Variants in VPS41 observed in about 807,000 individuals in gnomAD.
VPS41 encodes VPS41 subunit of HOPS complex, also known as vacuolar protein sorting-associated protein 41 homolog.
Under a neutral mutation model 130.9 loss-of-function variants are expected in VPS41, and 85 were observed. The ratio of observed to expected loss-of-function variants is 0.65; its 90% CI spans 0.55 to 0.78. The LOEUF (loss-of-function observed/expected upper bound fraction) is 0.78. Among genes scored for constraint, VPS41 ranks in the 30% least tolerant of loss-of-function variants. The probability of loss-of-function intolerance (pLI) is 0.00; values close to 1 mark genes in which losing one functional copy is unlikely to be tolerated. For synonymous variants in VPS41, 335 were observed against 332.9 expected, an observed-to-expected ratio of 1.01 and a Z score of -0.07; for missense variants, 874 against 1,018.7, an observed-to-expected ratio of 0.86 and a Z score of 1.93.
At chr7:38,874,035 C>A (rs1786432431) in intron 2 of VPS41, among the ~76,000 whole-genome samples, 1 of 152,164 alleles carries the variant, frequency 6.6e-6, no homozygotes, top group Admixed American at 6.5e-5. Context: ...CATTTCTTTT[C>A]ACCTAATAAT....
In VPS41 at chr7:38,774,223, G is replaced by T; in HGVS notation, c.904C>A (p.Pro302Thr). 1.2e-6 allele frequency: 2 copies of T among 1,600,516 alleles called. No individual in the cohort carries two copies. Among genetic ancestry groups the T allele is most frequent in the Non-Finnish European group, 1.7e-6 (2 of 1,171,450 alleles). ...EKTEREYCAR[P>T]RLDIIQPLSE... The stretch of plus-strand genomic sequence containing the variant: ...AGTGGCTGGATGATGTCCAGTCTAG[G>T]CCTGGCACAGTATTCTCTTTCCTAG... Residue 302 changes from proline to threonine, a missense_variant, in exon 12 of 29, where the codon CCT becomes ACT. Physicochemically the swap from Pro to Thr is conservative, Grantham distance 38. Coordinates refer to ENST00000310301, the MANE Select transcript of VPS41 (RefSeq NM_014396.4).
chr7:38,858,746 C>T (rs1786038633), intron 4 of VPS41, among the ~76,000 whole-genome samples: 1 of 152,334 alleles, frequency 6.6e-6, no homozygotes, highest in South Asian at 2.1e-4. Context: ...AGCTGCCACT[C>T]ATATAAAGTC....
At chr7:38,761,337 G>A (rs193018955) in intron 17 of VPS41, among the ~76,000 whole-genome samples, 5 of 124,348 alleles carry the variant, frequency 4.0e-5, no homozygotes, top group Admixed American at 2.1e-4. Context: ...GTTCAGTGGC[G>A]CTATCTTGGC....
intron 7 of VPS41, among the ~76,000 whole-genome samples, chr7:38,814,879 T>C (rs1785011099): frequency 6.6e-6 from 1 of 152,024 alleles, no homozygotes; most frequent in Non-Finnish European, 1.5e-5. Context: ...TAAACCAAAG[T>C]GATTTATCAA....
intron 2 of VPS41, among the ~76,000 whole-genome samples, chr7:38,896,259 GTTAA>G (rs934268136): frequency 9.8e-5 from 15 of 152,296 alleles, no homozygotes; most frequent in African/African-American, 2.9e-4. Flanking sequence ...TGGAATCTTA[GTTAA>G]TTAGAGATTT....
Position 38,785,157 on chromosome 7 carries a change from A to G in VPS41, c.784+4644T>C, listed in dbSNP as rs190213329. Among the ~76,000 whole-genome samples the G allele has an allele frequency of 5.9e-5, 9 of 152,322 alleles. No homozygotes were observed. The East Asian group carries it at 1.7e-3, about 29-fold the overall frequency. On this transcript the variant is annotated intron_variant, in intron 10 of 28. Transcript: ENST00000310301. Reference sequence around the variant, plus strand: ...AGTATTTTATAATCAACTGGATGTAATACCCACAGACTTTTCAATAAGTTT... The same window carrying G: ...AGTATTTTATAATCAACTGGATGTAGTACCCACAGACTTTTCAATAAGTTT...
At chr7:38,766,497 C>T (rs1279726391) in intron 15 of VPS41, among the ~76,000 whole-genome samples, 4 of 152,100 alleles carry the variant, frequency 2.6e-5, no homozygotes, top group African/African-American at 9.7e-5. Context: ...AATAGTGTCT[C>T]CCTCCTGAGG....
chr7:38,797,780 C>T (rs750528644), intron 7 of VPS41, among the ~76,000 whole-genome samples: 3 of 152,162 alleles, frequency 2.0e-5, no homozygotes, highest in Non-Finnish European at 4.4e-5. Flanking sequence ...AACAGGTTAA[C>T]AGGGGAAAGA....
intron 7 of VPS41, 148 bp downstream of exon 7, chr7:38,817,669 G>A (rs1435677927): frequency 2.7e-6 from 2 of 745,880 alleles, no homozygotes; most frequent in African/African-American, 1.7e-5. Context: ...TCCCCCAAGA[G>A]ATGATGATCA....
chr7:38,890,576 G>T (rs530519550), intron 2 of VPS41, among the ~76,000 whole-genome samples: 1 of 152,290 alleles, frequency 6.6e-6, no homozygotes, highest in East Asian at 1.9e-4. Context: ...AATAAGGTCT[G>T]TGCCTTGTAT....
intron 4 of VPS41, among the ~76,000 whole-genome samples, chr7:38,832,278 T>C: frequency 6.6e-6 from 1 of 151,604 alleles, no homozygotes; most frequent in East Asian, 1.9e-4. Flanking sequence ...TTATTTCTTA[T>C]ATTTAAGTCT....
intron 4 of VPS41, among the ~76,000 whole-genome samples, chr7:38,839,211 G>C (rs1025188813): frequency 6.6e-6 from 1 of 152,108 alleles, no homozygotes; most frequent in African/African-American, 2.4e-5. Flanking sequence ...GCAAACGTCT[G>C]TTCTTTCATA....
intron 17 of VPS41, among the ~76,000 whole-genome samples, chr7:38,759,030 T>C (rs1389673236): frequency 6.6e-6 from 1 of 152,220 alleles, no homozygotes. Flanking sequence ...AATAAACCAG[T>C]AAATGTAAGT....
At chr7:38,794,957 A>C (rs1235940422) in intron 9 of VPS41, among the ~76,000 whole-genome samples, 1 of 152,156 alleles carries the variant, frequency 6.6e-6, no homozygotes, top group Non-Finnish European at 1.5e-5. Context: ...CAGATAATTA[A>C]ACTTCAGAAA....
At chr7:38,905,470 G>T (rs1787239590) in intron 1 of VPS41, among the ~76,000 whole-genome samples, 5 of 152,176 alleles carry the variant, frequency 3.3e-5, no homozygotes, top group Admixed American at 2.6e-4. Flanking sequence ...TTAGGCAAAA[G>T]CAAGAATTTC....
intron 19 of VPS41, among the ~76,000 whole-genome samples, chr7:38,755,370 CAGA>C (rs1783770487): frequency 6.6e-6 from 1 of 152,150 alleles, no homozygotes; most frequent in Non-Finnish European, 1.5e-5. Context: ...ACTCCACAGA[CAGA>C]AGGAGCTGGT....
In VPS41 at chr7:38,723,750, A is replaced by AAAAAAC. The variant is rs1207560409; in HGVS notation, c.*2495_*2496insGTTTTT. 1 of 147,272 alleles carries AAAAAAC rather than the reference A, an allele frequency of 6.8e-6. No homozygotes were observed. Among genetic ancestry groups the AAAAAAC allele is most frequent in the African/African-American group, 2.6e-5 (1 of 39,010 alleles). 9.1% of individuals were successfully genotyped at this position (147,272 alleles called of 1,614,324 possible). A position where few individuals can be genotyped will look rare whatever the true frequency, so the allele number is the denominator to read the frequency against. ...AAAAAAAAAAAAAAAAAAAAAAAAA[A>AAAAAAC]AAGAATAGCTTATGAAGTGTGTACT... On this transcript the variant is annotated 3_prime_UTR_variant, in exon 29 of 29. Transcript: ENST00000310301.
At chr7:38,796,479 A>G (rs1259932156) in intron 8 of VPS41, 1 of 561,892 alleles carries the variant, frequency 1.8e-6, no homozygotes, top group African/African-American at 1.9e-5. Flanking sequence ...AATTATTAAG[A>G]TAGCTTTTCA....
intron 7 of VPS41, among the ~76,000 whole-genome samples, chr7:38,798,506 T>C (rs761830579): frequency 4.6e-5 from 7 of 152,200 alleles, no homozygotes; most frequent in Non-Finnish European, 1.0e-4. Context: ...TTGGCCAGAC[T>C]GGTCTCGAAC....
Sources: gnomAD v4.1 joint callset for allele counts (sites outside exome capture counted in the v4.1 genomes callset) on GRCh38, gnomAD v4.1.1 for gene constraint, MANE v1.5 for transcripts, NCBI Gene and HGNC (gene_info 2026-07-23, HGNC 2026-07-21) for gene names.